The following SCARA3 variants were observed in gnomAD, a reference collection of about 807,000 sequenced individuals.
SCARA3 encodes the protein cellular stress response gene protein.
In SCARA3, 39 loss-of-function variants were observed where a neutral mutation model predicts 47.0. The observed-to-expected ratio is 0.83, with a 90% CI of 0.64 to 1.08. The LOEUF is 1.08. Ranked by LOEUF, SCARA3 falls within the 50% of genes least tolerant of loss-of-function variation. The pLI is 0.00. For synonymous variants in SCARA3, 356 were observed against 334.1 expected (o/e 1.07, Z -0.71); for missense variants, 724 against 792.3 (o/e 0.91, Z 1.04).
chr8:27,709,487 A>G, the SCARA3 span, among the ~76,000 whole-genome samples: 555 of 152,250 alleles, frequency 3.6e-3, 4 homozygotes, highest in Non-Finnish European at 6.3e-3. Flanking sequence ...GGAGGCTCCA[A>G]CCATGCATGT....
chr8:27,720,656 CCATCCAGCTATCCATCCATCCATCCATT>C, the SCARA3 span, among the ~76,000 whole-genome samples: 3 of 151,626 alleles, frequency 2.0e-5, no homozygotes, highest in African/African-American at 7.3e-5. Context: ...ATCCATCCAT[CCATCCAGCTATCCATCCATCCATCCATT>C]CATCCACCCA....
At chr8:27,696,053 A>G in the SCARA3 span, among the ~76,000 whole-genome samples, 5 of 152,132 alleles carry the variant, frequency 3.3e-5, 1 homozygote, top group Admixed American at 3.3e-4. Flanking sequence ...GATTTTGCCC[A>G]GGCTGGAGTG....
chr8:27,684,777 C>G, the SCARA3 span, among the ~76,000 whole-genome samples: 1 of 151,992 alleles, frequency 6.6e-6, no homozygotes, highest in African/African-American at 2.4e-5. Flanking sequence ...ATAGTCCCAG[C>G]TACTCAAGAG....
intron 1 of SCARA3, among the ~76,000 whole-genome samples, chr8:27,647,752 T>G (rs779955): frequency 0.18 from 27,965 of 152,070 alleles, 3,146 homozygotes; most frequent in Middle Eastern, 0.33. Context: ...GAAGTGACGT[T>G]TAAGCCATGC....
intron 3 of SCARA3, 151 bp downstream of exon 3, chr8:27,651,778 T>C: frequency 8.9e-7 from 1 of 1,118,568 alleles, no homozygotes; most frequent in East Asian, 2.5e-5. Flanking sequence ...CTATGCCTAA[T>C]GCAAACTGCA....
chr8:27,657,685 C>T (rs1262200967), intron 4 of SCARA3, among the ~76,000 whole-genome samples: 4 of 151,064 alleles, frequency 2.6e-5, no homozygotes, highest in Non-Finnish European at 5.9e-5. Flanking sequence ...GGACTACAGG[C>T]GGCAGCCAGC....
chr8:27,653,212 C>A (rs910961014), intron 3 of SCARA3, among the ~76,000 whole-genome samples: 7 of 152,206 alleles, frequency 4.6e-5, no homozygotes, highest in African/African-American at 1.7e-4. Flanking sequence ...CAGAGAAGAG[C>A]GCAGGCACCG....
At chr8:27,656,639 C>T (rs1470852362) in intron 3 of SCARA3, 143 bp from the exon 4 acceptor site, 3 of 632,088 alleles carry the variant, frequency 4.7e-6, no homozygotes, top group African/African-American at 3.7e-5. Flanking sequence ...AAGTATCTTC[C>T]CTAACCGCCA....
Position 27,634,036 on chromosome 8 carries a change from C to T in SCARA3, c.-165C>T. On this transcript the variant is annotated 5_prime_UTR_variant, in exon 1 of 6. Coordinates refer to ENST00000301904, the MANE Select transcript of SCARA3 (RefSeq NM_016240.3). ...CGGGACCCTCCACTCCTCCCGCCGC[C>T]TCCGCAGCCCGCGCGCCGGAGCATG... The T allele has an allele frequency of 2.2e-6, 1 of 461,628 alleles. No homozygotes were observed. Among genetic ancestry groups the T allele is most frequent in the Non-Finnish European group, 3.4e-6 (1 of 290,846 alleles). The allele number at this position is 461,628 out of a possible 1,614,324, so 28.6% of individuals were successfully genotyped here. A position where few individuals can be genotyped will look rare whatever the true frequency, so the allele number is the denominator to read the frequency against.
intron 1 of SCARA3, among the ~76,000 whole-genome samples, chr8:27,638,453 C>G (rs1801307205): frequency 6.6e-6 from 1 of 151,906 alleles, no homozygotes; most frequent in Non-Finnish European, 1.5e-5. Context: ...TCCAGGTGGA[C>G]CAGATGATCC....
chr8:27,670,832 C>A, intron 5 of SCARA3, 68 bp from the exon 6 acceptor site: 1 of 1,371,098 alleles, frequency 7.3e-7, no homozygotes, highest in Non-Finnish European at 9.9e-7. Context: ...GCCCGCTCTG[C>A]TCATGGGCGA....
downstream of SCARA3, chr8:27,676,845 T>G: frequency 3.0e-6 from 1 of 336,782 alleles, no homozygotes; most frequent in Non-Finnish European, 5.4e-6. Flanking sequence ...AACCCAACTC[T>G]GTTGCGTCCA....
At chr8:27,647,875 G>T (rs1341533607) in intron 1 of SCARA3, among the ~76,000 whole-genome samples, 1 of 152,216 alleles carries the variant, frequency 6.6e-6, no homozygotes, top group Non-Finnish European at 1.5e-5. Flanking sequence ...CTTACCAACA[G>T]CGCCTTGCCA....
At chr8:27,683,654 C>T in the SCARA3 span, among the ~76,000 whole-genome samples, 1 of 152,042 alleles carries the variant, frequency 6.6e-6, no homozygotes, top group South Asian at 2.1e-4. Flanking sequence ...AGGTATTTGC[C>T]CAAGAGAAAG....
At chr8:27,634,489 A>C (rs1256621852) in intron 1 of SCARA3, among the ~76,000 whole-genome samples, 2 of 152,030 alleles carry the variant, frequency 1.3e-5, no homozygotes, top group African/African-American at 2.4e-5. Flanking sequence ...AAATCCAGAG[A>C]AGTTTCTGAT....
At chr8:27,731,835 C>A in the SCARA3 span, among the ~76,000 whole-genome samples, 1 of 151,982 alleles carries the variant, frequency 6.6e-6, no homozygotes, top group Non-Finnish European at 1.5e-5. Flanking sequence ...ACATGAAGAC[C>A]AGGGCTTCAC....
the SCARA3 span, among the ~76,000 whole-genome samples, chr8:27,694,164 C>A: frequency 6.6e-6 from 1 of 152,154 alleles, no homozygotes; most frequent in Non-Finnish European, 1.5e-5. Flanking sequence ...GTTGCCTTTG[C>A]CTCATTAAGC....
chr8:27,695,445 G>T, the SCARA3 span, among the ~76,000 whole-genome samples: 1 of 152,136 alleles, frequency 6.6e-6, no homozygotes, highest in Non-Finnish European at 1.5e-5. Flanking sequence ...AGTTTCTAAA[G>T]CATGTCATTG....
At chr8:27,633,640 C>A (rs1352898740), upstream of SCARA3, among the ~76,000 whole-genome samples, 1 of 152,144 alleles carries the variant, frequency 6.6e-6, no homozygotes, top group Non-Finnish European at 1.5e-5. Context: ...AGGGAGGACG[C>A]CGCGGGAGCC....
Sources: allele counts gnomAD v4.1 joint callset (sites outside exome capture counted in the v4.1 genomes callset), GRCh38; gene constraint gnomAD v4.1.1; transcripts MANE v1.5; gene names NCBI Gene and HGNC (gene_info 2026-07-23, HGNC 2026-07-21).